Variants in SLC24A1 observed in about 807,000 individuals in gnomAD.
SLC24A1 encodes sodium/potassium/calcium exchanger 1.
In SLC24A1, 52 loss-of-function variants were observed where a neutral mutation model predicts 88.1. That is an observed-to-expected ratio of 0.59 (90% CI 0.47 to 0.74). SLC24A1 has a LOEUF of 0.74. Among genes scored for constraint, SLC24A1 ranks in the 30% least tolerant of loss-of-function variants. The pLI, the probability that SLC24A1 is intolerant of heterozygous loss-of-function variation, is 0.00. For synonymous variants in SLC24A1, 455 were observed against 498.0 expected (o/e 0.91, Z 1.15); for missense variants, 1,173 against 1,363.3 (o/e 0.86, Z 2.20).
chr15:65,647,475 CAAAAAAAAAAA>C (rs199501932), intron 6 of SLC24A1, among the ~76,000 whole-genome samples: 61 of 81,212 alleles, frequency 7.5e-4, no homozygotes, highest in Admixed American at 5.5e-4. Flanking sequence ...GAGACTGTCT[CAAAAAAAAAAA>C]AAAAAAAAAA....
chr15:65,642,999 C>T lies in SLC24A1; in HGVS notation c.2054-1428C>T, dbSNP rs1476659693. 6 of 1,289,066 alleles carry T rather than the reference C, an allele frequency of 4.7e-6. No individual in the cohort carries two copies. The East Asian group carries it at 3.3e-4, about 71-fold the overall frequency. 79.9% of individuals were successfully genotyped at this position (1,289,066 alleles called of 1,614,324 possible). On this transcript the variant is annotated intron_variant, in intron 4 of 9. Transcript: ENST00000261892. ...TGCCGGGCATCATCACTGTGGGGTG[C>T]TTCCCAGGTAGGACAGCTGCTCTCA...
At chr15:65,637,417 C>A (rs1227384002) in intron 2 of SLC24A1, among the ~76,000 whole-genome samples, 5 of 151,970 alleles carry the variant, frequency 3.3e-5, no homozygotes, top group Non-Finnish European at 5.9e-5. Context: ...CAAGAATTCA[C>A]CCTGAATTTT....
downstream of SLC24A1, chr15:65,658,312 T>C (rs2075747594): frequency 6.6e-6 from 1 of 152,200 alleles, no homozygotes; most frequent in Middle Eastern, 3.2e-3. Flanking sequence ...AGCTTAGTCT[T>C]ATATCCAGAC....
chr15:65,642,035 T>TG (rs1009278334), intron 4 of SLC24A1, among the ~76,000 whole-genome samples: 1 of 152,136 alleles, frequency 6.6e-6, no homozygotes, highest in Non-Finnish European at 1.5e-5. Context: ...TGGGTGTCTT[T>TG]GGGGCATGGA....
At chr15:65,651,635 A>C in intron 7 of SLC24A1, 35 bp from the exon 8 acceptor site, 4 of 1,129,866 alleles carry the variant, frequency 3.5e-6, no homozygotes, top group Non-Finnish European at 5.4e-6. Context: ...TAACCTCTAC[A>C]GCTTACTTCT....
At chr15:65,649,726 A>G (rs773698689) in intron 6 of SLC24A1, among the ~76,000 whole-genome samples, 1 of 152,246 alleles carries the variant, frequency 6.6e-6, no homozygotes, top group Non-Finnish European at 1.5e-5. Flanking sequence ...AATAGGCATT[A>G]TCATCCTTAT....
intron 4 of SLC24A1, among the ~76,000 whole-genome samples, chr15:65,643,679 C>A (rs1038046863): frequency 6.6e-6 from 1 of 152,202 alleles, no homozygotes; most frequent in Admixed American, 6.5e-5. Flanking sequence ...TTGCCTGTCC[C>A]GTGTTTCTCA....
chr15:65,636,145 G>T (rs1188097511), intron 2 of SLC24A1, among the ~76,000 whole-genome samples: 2 of 152,182 alleles, frequency 1.3e-5, no homozygotes, highest in East Asian at 1.9e-4. Context: ...AGCTATTTGT[G>T]ATCCTGCTGC....
Position 65,654,807 on chromosome 15 carries a change from G to A in SLC24A1, c.*728G>A. ...CACAACCTTCACCTCCCCGGTTCAAGCAATTCTCCTGCCTCAGCCTGAAGT... is the reference window on the plus strand; with the variant it reads ...CACAACCTTCACCTCCCCGGTTCAAACAATTCTCCTGCCTCAGCCTGAAGT... On this transcript the variant is annotated 3_prime_UTR_variant, in exon 10 of 10. Transcript: ENST00000261892. The A allele has an allele frequency of 9.6e-7, 1 of 1,043,340 alleles. No homozygotes were observed. Among genetic ancestry groups the A allele is most frequent in the South Asian group, 1.4e-5 (1 of 70,520 alleles). 64.6% of individuals were successfully genotyped at this position (1,043,340 alleles called of 1,614,324 possible).
chr15:65,648,610 G>T (rs1040873392), intron 6 of SLC24A1, among the ~76,000 whole-genome samples: 1 of 151,660 alleles, frequency 6.6e-6, no homozygotes, highest in Non-Finnish European at 1.5e-5. Context: ...GCCTCCTGAT[G>T]AGCTGGAATT....
At chr15:65,618,649 C>T (rs2074225244), upstream of SLC24A1, among the ~76,000 whole-genome samples, 1 of 152,166 alleles carries the variant, frequency 6.6e-6, no homozygotes, top group Non-Finnish European at 1.5e-5. Context: ...TCTTCGATGG[C>T]ACTGGGTGTT....
chr15:65,644,752 C>T (rs2075250078), intron 5 of SLC24A1, among the ~76,000 whole-genome samples: 1 of 152,236 alleles, frequency 6.6e-6, no homozygotes. Flanking sequence ...TGGCCCCATA[C>T]AGCTTCCTCT....
Position 65,624,353 on chromosome 15 carries a change from G to A in SLC24A1, c.273G>A (p.Leu91=), listed in dbSNP as rs776547944. ...GCTCCGAAATGGGGGGTAAGATGCT[G>A]GTACCCCAAGCCTCAGTGGGCAGTG... The part of the protein sequence containing the change: ...KPSSEMGGKM[L]VPQASVGSDE... Residue 91 remains leucine, a synonymous_variant, in exon 2 of 10, where the codon CTG becomes CTA. Transcript: ENST00000261892. 3 of 1,613,668 alleles carry A rather than the reference G, an allele frequency of 1.9e-6. No homozygotes were observed. The highest frequency in any genetic ancestry group is 3.3e-4 in the Middle Eastern group (2 of 6,062).
intron 4 of SLC24A1, among the ~76,000 whole-genome samples, chr15:65,641,481 G>A (rs1304820148): frequency 6.6e-6 from 1 of 151,844 alleles, no homozygotes; most frequent in African/African-American, 2.4e-5. Context: ...GAGAGAGAAA[G>A]GGAGAAAAAA....
intron 4 of SLC24A1, among the ~76,000 whole-genome samples, chr15:65,640,400 C>T (rs1001887330): frequency 3.3e-5 from 5 of 152,202 alleles, no homozygotes; most frequent in Non-Finnish European, 5.9e-5. Context: ...CCACATCCTG[C>T]CTTCTGCTTC....
chr15:65,644,370 C>A, intron 4 of SLC24A1, 57 bp from the exon 5 acceptor site: 1 of 1,212,406 alleles, frequency 8.2e-7, no homozygotes, highest in South Asian at 1.3e-5. Context: ...ACTGAAAGGG[C>A]GTGGCAGGGA....
rs2075457453 is a variant in SLC24A1, at chr15:65,650,456, TGAAGA to T, written c.2311_2315del (p.Glu771LysfsTer4). On this transcript the variant is annotated frameshift_variant, in exon 7 of 10. Transcript: ENST00000261892. LOFTEE classifies it high-confidence loss of function. The surrounding 1 kb of genome is among the most constrained non-coding windows in gnomAD (Gnocchi z 4.1). ...GCGAAACTGCTGGTGAAGGTGAAAC[TGAAGA>T]GAAAAGTGGAGGTGAAACTCAACCA... 1.3e-6 allele frequency: 2 copies of T among 1,551,388 alleles called. No individual in the cohort carries two copies. Among genetic ancestry groups the T allele is most frequent in the Non-Finnish European group, 1.7e-6 (2 of 1,146,950 alleles).
At chr15:65,651,334 G>A (rs2075497267) in intron 7 of SLC24A1, among the ~76,000 whole-genome samples, 1 of 152,144 alleles carries the variant, frequency 6.6e-6, no homozygotes, top group African/African-American at 2.4e-5. Context: ...TGCAAGGAAA[G>A]GTCTGACCAG....
chr15:65,620,105 TAATA>T (rs533424120), upstream of SLC24A1, among the ~76,000 whole-genome samples: 163 of 150,554 alleles, frequency 1.1e-3, 1 homozygote, highest in African/African-American at 3.3e-3. Flanking sequence ...TTTATAATAT[TAATA>T]AATAAATAAA....
Sources: allele counts gnomAD v4.1 joint callset (sites outside exome capture counted in the v4.1 genomes callset), GRCh38; gene constraint gnomAD v4.1.1; non-coding constraint Gnocchi (gnomAD v3.1); transcripts MANE v1.5; gene names NCBI Gene and HGNC (gene_info 2026-07-23, HGNC 2026-07-21).